EBF1: variants seen among roughly 807,000 people sequenced by gnomAD.
EBF1 encodes EBF transcription factor 1.
EBF1 carries 10 observed loss-of-function variants against 68.4 expected under a neutral mutation model. That is an observed-to-expected ratio of 0.15 (90% CI 0.09 to 0.25). The LOEUF is 0.25. EBF1 is among the 10% of genes least tolerant of loss of function. The pLI is 1.00. For synonymous variants in EBF1, 298 were observed against 299.8 expected, an observed-to-expected ratio of 0.99 and a Z score of 0.06; for missense variants, 509 against 794.4, an observed-to-expected ratio of 0.64 and a Z score of 4.32.
chr5:158,884,454 C>G (rs1185877988), intron 6 of EBF1, among the ~76,000 whole-genome samples: 1 of 152,112 alleles, frequency 6.6e-6, no homozygotes, highest in Non-Finnish European at 1.5e-5. Flanking sequence ...ATTCAATAAG[C>G]ATCTATTTAG....
chr5:158,838,588 T>C (rs561615439), intron 7 of EBF1, among the ~76,000 whole-genome samples: 106 of 152,338 alleles, frequency 7.0e-4, no homozygotes, highest in Non-Finnish European at 1.2e-3. Flanking sequence ...CCGCATTTGT[T>C]CTTTAATAAG....
At chr5:158,857,260 C>G (rs1794213165) in intron 6 of EBF1, among the ~76,000 whole-genome samples, 1 of 151,950 alleles carries the variant, frequency 6.6e-6, no homozygotes, top group South Asian at 2.1e-4. Flanking sequence ...TCCCTTCTCA[C>G]CTGAACAACA....
intron 6 of EBF1, among the ~76,000 whole-genome samples, chr5:158,945,310 G>A (rs1290506115): frequency 1.3e-5 from 2 of 152,138 alleles, no homozygotes; most frequent in African/African-American, 2.4e-5. Flanking sequence ...TTTTCCCAAC[G>A]CCATTTATTA....
chr5:158,703,619 A>C (rs1280981732), intron 15 of EBF1, among the ~76,000 whole-genome samples: 1 of 151,780 alleles, frequency 6.6e-6, no homozygotes, highest in African/African-American at 2.4e-5. Flanking sequence ...AAAAAAAAAA[A>C]ACCCTCAGAT....
chr5:158,726,005 G>A, intron 11 of EBF1, among the ~76,000 whole-genome samples: 1 of 152,152 alleles, frequency 6.6e-6, no homozygotes, highest in Non-Finnish European at 1.5e-5. Context: ...TTTAGACAAA[G>A]TGCAGGAAAA....
chr5:158,792,739 G>T (rs1027841835), intron 9 of EBF1, among the ~76,000 whole-genome samples: 1 of 152,186 alleles, frequency 6.6e-6, no homozygotes, highest in Non-Finnish European at 1.5e-5. Context: ...TAGAGATGAG[G>T]CTAAACAGGT....
intron 6 of EBF1, among the ~76,000 whole-genome samples, chr5:158,941,454 C>T (rs1030738146): frequency 6.6e-6 from 1 of 152,154 alleles, no homozygotes; most frequent in African/African-American, 2.4e-5. Flanking sequence ...TCCTCCTAAA[C>T]ACACTCTATA....
chr5:158,945,676 C>A (rs1814503906), intron 6 of EBF1, among the ~76,000 whole-genome samples: 1 of 152,160 alleles, frequency 6.6e-6, no homozygotes, highest in South Asian at 2.1e-4. Context: ...CAAGGAGTAT[C>A]TTTGTGGTGT....
chr5:158,955,625 A>G (rs941854494), intron 6 of EBF1, among the ~76,000 whole-genome samples: 2 of 152,244 alleles, frequency 1.3e-5, no homozygotes, highest in Non-Finnish European at 2.9e-5. Flanking sequence ...GAGCATTTGC[A>G]GCTCTTCTTG....
chr5:158,977,446 T>C (rs1756998912), intron 6 of EBF1, among the ~76,000 whole-genome samples: 1 of 152,192 alleles, frequency 6.6e-6, no homozygotes, highest in African/African-American at 2.4e-5. Context: ...TGCAATCTCA[T>C]GACATGGATT....
Position 158,697,054 on chromosome 5 carries a change from A to C in EBF1, c.*2057T>G, listed in dbSNP as rs967481720. The C allele has an allele frequency of 1.1e-5, 2 of 189,454 alleles. No homozygotes were observed. Among genetic ancestry groups the C allele is most frequent in the African/African-American group, 4.7e-5 (2 of 42,892 alleles). The allele number at this position is 189,454 out of a possible 1,614,324, so 11.7% of individuals were successfully genotyped here. A position where few individuals can be genotyped will look rare whatever the true frequency, so the allele number is the denominator to read the frequency against. On this transcript the variant is annotated 3_prime_UTR_variant, in exon 16 of 16. Coordinates refer to ENST00000313708, the MANE Select transcript of EBF1 (RefSeq NM_024007.5). ...TTTATATTTATGTGAAAGACAGAGGAAATATACAAGCAGACTTAAGAAAGA... is the reference window on the plus strand; with the variant it reads ...TTTATATTTATGTGAAAGACAGAGGCAATATACAAGCAGACTTAAGAAAGA...
chr5:158,876,407 C>A (rs1280384023), intron 6 of EBF1, among the ~76,000 whole-genome samples: 1 of 152,142 alleles, frequency 6.6e-6, no homozygotes, highest in South Asian at 2.1e-4. Flanking sequence ...CATCAGAATT[C>A]TCTATTTGAG....
At chr5:159,032,320 G>C (rs1319116305) in intron 6 of EBF1, among the ~76,000 whole-genome samples, 3 of 152,150 alleles carry the variant, frequency 2.0e-5, no homozygotes, top group South Asian at 2.1e-4. Context: ...AGGTACAAGT[G>C]GTAGCCAGGA....
At chr5:158,831,233 G>A (rs1274592767) in intron 7 of EBF1, among the ~76,000 whole-genome samples, 1 of 152,102 alleles carries the variant, frequency 6.6e-6, no homozygotes, top group Non-Finnish European at 1.5e-5. Context: ...ATGGGGCTAT[G>A]GCATACGGAC....
chr5:158,775,191 T>C (rs1774853825), intron 10 of EBF1, among the ~76,000 whole-genome samples: 1 of 152,090 alleles, frequency 6.6e-6, no homozygotes, highest in African/African-American at 2.4e-5. Flanking sequence ...TAAGATGTGA[T>C]TTCTTAAACT....
At chr5:158,854,271 C>A (rs1490076343) in intron 6 of EBF1, among the ~76,000 whole-genome samples, 2 of 152,136 alleles carry the variant, frequency 1.3e-5, no homozygotes, top group African/African-American at 4.8e-5. Flanking sequence ...AAACAAGGAC[C>A]CCTGTGGCTA....
Position 159,084,746 on chromosome 5 carries a change from G to T in EBF1, c.412-7C>A. On this transcript the variant is annotated splice_region_variant and splice_polypyrimidine_tract_variant and intron_variant, in intron 4 of 15. Transcript: ENST00000313708. ...GGCCTTCATACACTATGGCCTAAAA[G>T]CAAAAGCACAGTTTTAGCTAAGAAT... The T allele has an allele frequency of 1.3e-6, 2 of 1,556,432 alleles. No homozygotes were observed. Among genetic ancestry groups the T allele is most frequent in the Non-Finnish European group, 1.7e-6 (2 of 1,150,586 alleles).
chr5:158,876,652 C>A (rs1267486700), intron 6 of EBF1, among the ~76,000 whole-genome samples: 1 of 152,220 alleles, frequency 6.6e-6, no homozygotes, highest in Non-Finnish European at 1.5e-5. Flanking sequence ...TTCAGAGCCA[C>A]TGTTCCATGG....
intron 7 of EBF1, among the ~76,000 whole-genome samples, chr5:158,831,791 C>T (rs958163076): frequency 7.2e-5 from 11 of 152,122 alleles, no homozygotes; most frequent in Non-Finnish European, 7.3e-5. Context: ...TATGAGCCAC[C>T]GTGCTCAGCC....
Sources: allele counts gnomAD v4.1 joint callset (sites outside exome capture counted in the v4.1 genomes callset), GRCh38; gene constraint gnomAD v4.1.1; transcripts MANE v1.5; gene names NCBI Gene and HGNC (gene_info 2026-07-23, HGNC 2026-07-21).